Variants in NDUFAF2 observed in about 807,000 individuals in gnomAD.
NDUFAF2 encodes NADH dehydrogenase [ubiquinone] 1 alpha subcomplex assembly factor 2.
Under a neutral mutation model 22.8 loss-of-function variants are expected in NDUFAF2, and 13 were observed. That is an observed-to-expected ratio of 0.57 (90% CI 0.37 to 0.91). The LOEUF is 0.91. Among genes scored for constraint, NDUFAF2 ranks in the 40% least tolerant of loss-of-function variants. The pLI is 0.01. For missense variants in NDUFAF2, 162 were observed against 195.2 expected (o/e 0.83, Z 1.01); for synonymous variants, 53 against 64.2 (o/e 0.83, Z 0.84).
At chr5:61,074,782 G>T (rs1293221105) in intron 2 of NDUFAF2, among the ~76,000 whole-genome samples, 3 of 151,960 alleles carry the variant, frequency 2.0e-5, no homozygotes, top group African/African-American at 7.2e-5. Context: ...GAAAAGAAAA[G>T]AAATACCTGA....
At chr5:60,981,664 C>T (rs1375267388) in intron 1 of NDUFAF2, among the ~76,000 whole-genome samples, 1 of 151,954 alleles carries the variant, frequency 6.6e-6, no homozygotes, top group African/African-American at 2.4e-5. Context: ...TAAATAGAAA[C>T]AACACAAAGT....
At chr5:61,100,194 A>T (rs1445633633) in intron 3 of NDUFAF2, among the ~76,000 whole-genome samples, 1 of 152,168 alleles carries the variant, frequency 6.6e-6, no homozygotes, top group Non-Finnish European at 1.5e-5. Context: ...TGAAGGATGG[A>T]TTGAAGAGCC....
intron 1 of NDUFAF2, among the ~76,000 whole-genome samples, chr5:61,069,007 AT>A (rs1299848418): frequency 6.6e-6 from 1 of 152,122 alleles, no homozygotes; most frequent in East Asian, 1.9e-4. Flanking sequence ...CAAATTGTTT[AT>A]TTAAATGAAG....
At chr5:60,987,079 A>G (rs1452809320) in intron 1 of NDUFAF2, among the ~76,000 whole-genome samples, 1 of 152,156 alleles carries the variant, frequency 6.6e-6, no homozygotes, top group East Asian at 1.9e-4. Flanking sequence ...ACAAAATTAG[A>G]ATTGAGAAAG....
At chr5:61,048,935 G>A (rs998329979) in intron 1 of NDUFAF2, among the ~76,000 whole-genome samples, 1 of 152,078 alleles carries the variant, frequency 6.6e-6, no homozygotes, top group African/African-American at 2.4e-5. Flanking sequence ...TTCAGGCTGC[G>A]TGGTTATGTC....
chr5:61,124,295 A>T (rs1051785970), intron 3 of NDUFAF2, among the ~76,000 whole-genome samples: 1 of 151,968 alleles, frequency 6.6e-6, no homozygotes, highest in Non-Finnish European at 1.5e-5. Context: ...ATGATTGTTT[A>T]TATAAATTCA....
In NDUFAF2 at chr5:61,106,191, G is replaced by T. The variant is rs561892548; in HGVS notation, c.258+7159G>T. 2.0e-5 allele frequency among the ~76,000 whole-genome samples: 3 copies of T among 151,400 alleles called. No homozygotes were observed. In the East Asian group the frequency reaches 5.8e-4, roughly 29 times the overall value. ...TTGAGTCAAACTCTGTTGGGGAGCA[G>T]GCTGTTTACATGGTCTAAAGGCATT... is the stretch of plus-strand genomic sequence containing the variant. On this transcript the variant is annotated intron_variant, in intron 3 of 3. Transcript: ENST00000296597.
Position 61,152,653 on chromosome 5 carries a change from CTTTT to C in NDUFAF2, c.259-47_259-44del, listed in dbSNP as rs759551233. ...TTTTTATTGGCTATTTTTATAAAAA[CTTTT>C]TTTAACTAGAAATTTAATAATTTCT... is the stretch of plus-strand genomic sequence containing the variant. On this transcript the variant is annotated intron_variant, in intron 3 of 3. Transcript: ENST00000296597. The C allele has an allele frequency of 4.5e-6, 6 of 1,333,798 alleles. No homozygotes were observed. In the Admixed American group the frequency reaches 1.2e-4, roughly 26 times the overall value. The allele number at this position is 1,333,798 out of a possible 1,614,324, so 82.6% of individuals were successfully genotyped here.
At chr5:60,993,864 T>C (rs953514178) in intron 1 of NDUFAF2, among the ~76,000 whole-genome samples, 9 of 152,162 alleles carry the variant, frequency 5.9e-5, no homozygotes, top group African/African-American at 1.9e-4. Flanking sequence ...TACCAATTTG[T>C]CCATGAGCAG....
chr5:60,968,855 C>A (rs1166625955), intron 1 of NDUFAF2, among the ~76,000 whole-genome samples: 1 of 151,940 alleles, frequency 6.6e-6, no homozygotes, highest in East Asian at 1.9e-4. Context: ...CCCCACCACC[C>A]CTCTACTACC....
At chr5:61,041,404 GT>G (rs1467153652) in intron 1 of NDUFAF2, among the ~76,000 whole-genome samples, 2 of 152,004 alleles carry the variant, frequency 1.3e-5, no homozygotes, top group African/African-American at 2.4e-5. Flanking sequence ...GTTGTAGGTT[GT>G]TTTTTCACCC....
intron 1 of NDUFAF2, among the ~76,000 whole-genome samples, chr5:61,041,197 A>G (rs901564507): frequency 6.6e-6 from 1 of 152,200 alleles, no homozygotes; most frequent in South Asian, 2.1e-4. Context: ...ACTTTAAAGG[A>G]TTGGATTATA....
intron 1 of NDUFAF2, among the ~76,000 whole-genome samples, chr5:61,033,683 C>G (rs186561568): frequency 7.8e-4 from 118 of 152,068 alleles, no homozygotes; most frequent in Non-Finnish European, 1.2e-3. Flanking sequence ...GTTAAACTCT[C>G]CTTAGGTAGA....
rs190028215 is a variant in NDUFAF2 at position 61,049,076 on chromosome 5, T to G, written c.128-24049T>G. 2.6e-5 allele frequency among the ~76,000 whole-genome samples: 4 copies of G among 152,292 alleles called. No individual in the cohort carries two copies. In the East Asian group the frequency reaches 5.8e-4, roughly 22 times the overall value. ...ATATTATATTAGAGTTTTGTGTTCT[T>G]TTTATATATATAGAATTTTAGTTTG... On this transcript the variant is annotated intron_variant, in intron 1 of 3. Coordinates refer to ENST00000296597, the MANE Select transcript of NDUFAF2 (RefSeq NM_174889.5).
In NDUFAF2 at chr5:61,077,437, T is replaced by C. The variant is rs1580124412; in HGVS notation, c.217+4223T>C. Among the ~76,000 whole-genome samples the C allele has an allele frequency of 1.3e-5, 2 of 152,278 alleles. 1 individual carries two copies. The highest frequency in any genetic ancestry group is 4.1e-4 in the South Asian group (2 of 4,822). On this transcript the variant is annotated intron_variant, in intron 2 of 3. Transcript: ENST00000296597. ...TCTGCTTTAAATACAGGAACTATTT[T>C]GTCTGACAAAAATAGTTCTGTAGAG...
chr5:61,001,736 T>A (rs1751298294), intron 1 of NDUFAF2, among the ~76,000 whole-genome samples: 2 of 152,108 alleles, frequency 1.3e-5, no homozygotes, highest in Non-Finnish European at 2.9e-5. Context: ...CTTGCTCCTT[T>A]CTCTTTTAGG....
At chr5:61,111,930 A>AT (rs1335947235) in intron 3 of NDUFAF2, among the ~76,000 whole-genome samples, 1 of 148,240 alleles carries the variant, frequency 6.7e-6, no homozygotes, top group Non-Finnish European at 1.5e-5. Context: ...GTTTTTTTGT[A>AT]TTTTTTGTAG....
At chr5:61,134,796 A>G (rs1466972426) in intron 3 of NDUFAF2, among the ~76,000 whole-genome samples, 2 of 152,178 alleles carry the variant, frequency 1.3e-5, no homozygotes, top group African/African-American at 4.8e-5. Flanking sequence ...ACACAGGAAA[A>G]AATGATTTCA....
chr5:61,023,334 A>G lies in NDUFAF2; in HGVS notation c.128-49791A>G, dbSNP rs936511516. On this transcript the variant is annotated intron_variant, in intron 1 of 3. Coordinates refer to ENST00000296597, the MANE Select transcript of NDUFAF2 (RefSeq NM_174889.5). The stretch of plus-strand genomic sequence containing the variant: ...CTGTCTTTGAAAAATCATTCTAAAC[A>G]TTTTTACTGGTTTAGTCATTTTCAG... Among the ~76,000 whole-genome samples, 3 of 151,768 alleles carry G rather than the reference A, an allele frequency of 2.0e-5. No homozygotes were observed. The South Asian group carries it at 6.2e-4, about 32-fold the overall frequency.
Sources: gnomAD v4.1 joint callset for allele counts (sites outside exome capture counted in the v4.1 genomes callset) on GRCh38, gnomAD v4.1.1 for gene constraint, MANE v1.5 for transcripts, NCBI Gene and HGNC (gene_info 2026-07-23, HGNC 2026-07-21) for gene names.